Variants in CYB5R4 observed in about 807,000 individuals in gnomAD.
CYB5R4 encodes the protein N-terminal cytochrome b5 and cytochrome b5 oxidoreductase domain-containing protein.
Under a neutral mutation model 70.2 loss-of-function variants are expected in CYB5R4, and 55 were observed. The ratio of observed to expected loss-of-function variants is 0.78; its 90% CI spans 0.63 to 0.98. The LOEUF is 0.98. CYB5R4 is among the 50% of genes least tolerant of loss of function. The pLI is 0.00. For missense variants in CYB5R4, 562 were observed against 612.6 expected, an observed-to-expected ratio of 0.92 and a Z score of 0.87; for synonymous variants, 197 against 199.5, an observed-to-expected ratio of 0.99 and a Z score of 0.11.
intron 2 of CYB5R4, among the ~76,000 whole-genome samples, chr6:83,864,984 C>T (rs1331679584): frequency 1.3e-5 from 2 of 152,046 alleles, no homozygotes. Context: ...CCAACTATAC[C>T]ATGAGGCTCC....
intron 14 of CYB5R4, among the ~76,000 whole-genome samples, chr6:83,948,747 C>T (rs2099471061): frequency 6.6e-6 from 1 of 152,024 alleles, no homozygotes; most frequent in Non-Finnish European, 1.5e-5. Flanking sequence ...TTAATAGAGT[C>T]AACTGTGTTT....
rs2099473849 is a variant in CYB5R4 at position 83,965,032 on chromosome 6, TGCCCAGGCAGAA to T, written c.*5156_*5167del. 1 of 152,282 alleles carries T rather than the reference TGCCCAGGCAGAA, an allele frequency of 6.6e-6. No homozygotes were observed. 9.4% of individuals were successfully genotyped at this position (152,282 alleles called of 1,614,324 possible). On this transcript the variant is annotated 3_prime_UTR_variant, in exon 16 of 16. Coordinates refer to ENST00000369681, the MANE Select transcript of CYB5R4 (RefSeq NM_016230.4). ...CAGAAGATGTATGGAAATGCCTGGA[TGCCCAGGCAGAA>T]GTTTGCTGCAGGGGCGGGGCTCTCA...
chr6:83,880,285 A>G (rs1297564378), intron 2 of CYB5R4, among the ~76,000 whole-genome samples: 1 of 152,188 alleles, frequency 6.6e-6, no homozygotes, highest in African/African-American at 2.4e-5. Context: ...TATCTTAATG[A>G]ATCTTTGCAG....
At chr6:83,896,074 GT>G (rs1425209134) in intron 3 of CYB5R4, among the ~76,000 whole-genome samples, 1 of 151,776 alleles carries the variant, frequency 6.6e-6, no homozygotes, top group Non-Finnish European at 1.5e-5. Flanking sequence ...TCTGTTTCCT[GT>G]TTCTTGTAAT....
chr6:83,933,376 A>G (rs1379974011), intron 10 of CYB5R4, among the ~76,000 whole-genome samples: 1 of 152,216 alleles, frequency 6.6e-6, no homozygotes, highest in African/African-American at 2.4e-5. Flanking sequence ...GGAGAAGGGA[A>G]GTTGGATTCA....
At chr6:83,941,662 A>G (rs1418453226) in intron 14 of CYB5R4, among the ~76,000 whole-genome samples, 2 of 152,200 alleles carry the variant, frequency 1.3e-5, no homozygotes, top group African/African-American at 4.8e-5. Context: ...GTCTTTTAAT[A>G]AATGACTTTC....
At chr6:83,935,064 C>G (rs974368925) in intron 11 of CYB5R4, among the ~76,000 whole-genome samples, 2 of 152,138 alleles carry the variant, frequency 1.3e-5, no homozygotes, top group African/African-American at 4.8e-5. Flanking sequence ...CTACTAGAAG[C>G]TCATACTGGT....
At chr6:83,954,862 G>A (rs1293043422) in intron 14 of CYB5R4, among the ~76,000 whole-genome samples, 8 of 151,404 alleles carry the variant, frequency 5.3e-5, no homozygotes, top group Admixed American at 5.3e-4. Flanking sequence ...ACAGGCACAT[G>A]CCACCACACC....
At chr6:83,902,628 T>A (rs1304331050) in intron 3 of CYB5R4, among the ~76,000 whole-genome samples, 1 of 152,068 alleles carries the variant, frequency 6.6e-6, no homozygotes, top group Non-Finnish European at 1.5e-5. Context: ...TCCTTCTGAT[T>A]GTTACTAATT....
chr6:83,918,212 A>G, intron 6 of CYB5R4, 147 bp downstream of exon 6: 1 of 530,502 alleles, frequency 1.9e-6, no homozygotes, highest in South Asian at 3.3e-5. Context: ...CTCATTTATT[A>G]GATGTTGTTG....
At chr6:83,892,511 A>G (rs1287795203) in intron 2 of CYB5R4, among the ~76,000 whole-genome samples, 1 of 152,208 alleles carries the variant, frequency 6.6e-6, no homozygotes, top group Admixed American at 6.5e-5. Context: ...TTCAAGAATG[A>G]AAAAGCAACT....
chr6:83,878,132 CTT>C (rs2099458858), intron 2 of CYB5R4, among the ~76,000 whole-genome samples: 1 of 151,944 alleles, frequency 6.6e-6, no homozygotes, highest in South Asian at 2.1e-4. Context: ...AATATCATGT[CTT>C]TCAATTTGCT....
At chr6:83,952,602 G>A (rs2129145326) in intron 14 of CYB5R4, among the ~76,000 whole-genome samples, 1 of 152,178 alleles carries the variant, frequency 6.6e-6, no homozygotes, top group South Asian at 2.1e-4. Flanking sequence ...GTGCATGAAG[G>A]AGAATGATGC....
intron 2 of CYB5R4, among the ~76,000 whole-genome samples, chr6:83,867,833 G>A (rs1001734538): frequency 6.6e-6 from 1 of 152,174 alleles, no homozygotes; most frequent in Non-Finnish European, 1.5e-5. Flanking sequence ...AGTCACTATT[G>A]TCTGTAAAAA....
Position 83,967,404 on chromosome 6 carries a change from A to G in CYB5R4, c.*7526A>G, listed in dbSNP as rs1789698523. On this transcript the variant is annotated 3_prime_UTR_variant, in exon 16 of 16. Coordinates refer to ENST00000369681, the MANE Select transcript of CYB5R4 (RefSeq NM_016230.4). ...AAGATGTGAAATAATGCAAACGCAT[A>G]ATAAAAAATGTCATCTGGTCTCCAG... 1 of 152,226 alleles carries G rather than the reference A, an allele frequency of 6.6e-6. No individual in the cohort carries two copies. Among genetic ancestry groups the G allele is most frequent in the African/African-American group, 2.4e-5 (1 of 41,470 alleles). The allele number at this position is 152,226 out of a possible 1,614,324, so 9.4% of individuals were successfully genotyped here.
intron 9 of CYB5R4, among the ~76,000 whole-genome samples, 197 bp from the exon 10 acceptor site, chr6:83,924,273 A>G (rs1010582054): frequency 2.0e-5 from 3 of 151,676 alleles, no homozygotes; most frequent in Admixed American, 1.3e-4. Flanking sequence ...ATCTGAATCT[A>G]TTAATAAAAT....
At chr6:83,863,234 A>T (rs1352527853) in intron 1 of CYB5R4, among the ~76,000 whole-genome samples, 1 of 152,174 alleles carries the variant, frequency 6.6e-6, no homozygotes, top group Non-Finnish European at 1.5e-5. Flanking sequence ...GCAAAGGGCC[A>T]GGTGGTGTTT....
chr6:83,902,724 A>G (rs1653277787), intron 3 of CYB5R4, among the ~76,000 whole-genome samples: 2 of 151,852 alleles, frequency 1.3e-5, no homozygotes, highest in African/African-American at 4.8e-5. Flanking sequence ...CTGTAGTTTT[A>G]CTTGTAGAGA....
intron 3 of CYB5R4, among the ~76,000 whole-genome samples, chr6:83,898,122 T>C (rs34302646): frequency 0.044 from 6,757 of 152,314 alleles, 158 homozygotes; most frequent in African/African-American, 0.051. Context: ...CTTTAATCCA[T>C]CTTGAATTAA....
Sources: allele counts gnomAD v4.1 joint callset (sites outside exome capture counted in the v4.1 genomes callset), GRCh38; gene constraint gnomAD v4.1.1; transcripts MANE v1.5; gene names NCBI Gene and HGNC (gene_info 2026-07-23, HGNC 2026-07-21).